Variants in GSTCD observed in about 807,000 individuals in gnomAD.
GSTCD encodes glutathione S-transferase C-terminal domain-containing protein.
A neutral mutation model predicts 68.3 loss-of-function variants in GSTCD; 44 were observed. That is an observed-to-expected ratio of 0.64 (90% CI 0.51 to 0.83). GSTCD has a LOEUF of 0.83. Ranked by LOEUF, GSTCD falls within the 40% of genes least tolerant of loss-of-function variation. GSTCD has a pLI of 0.00. For synonymous variants in GSTCD, 273 were observed against 255.2 expected, an observed-to-expected ratio of 1.07 and a Z score of -0.67; for missense variants, 739 against 735.9, an observed-to-expected ratio of 1.00 and a Z score of -0.05.
intron 5 of GSTCD, among the ~76,000 whole-genome samples, chr4:105,736,906 C>CA (rs1016425201): frequency 4.9e-4 from 74 of 152,224 alleles, no homozygotes; most frequent in African/African-American, 1.8e-3. Context: ...CTGTGAATGA[C>CA]AAGATTTATT....
chr4:105,785,560 TA>T lies in GSTCD; in HGVS notation c.1241-37388del, dbSNP rs1400571916. Among the ~76,000 whole-genome samples the T allele has an allele frequency of 1.2e-4, 18 of 152,232 alleles. 1 individual carries two copies. The Middle Eastern group carries it at 0.017, about 144-fold the overall frequency. On this transcript the variant is annotated intron_variant, in intron 5 of 11. Coordinates refer to ENST00000515279, the MANE Select transcript of GSTCD (RefSeq NM_001370181.1). Reference sequence around the variant, plus strand: ...ACACTCAATTTCCCTAATGCCTACATAAAAAAGGCATTTGATAAAATGCACA... The same window carrying T: ...ACACTCAATTTCCCTAATGCCTACATAAAAAGGCATTTGATAAAATGCACA...
At chr4:105,841,952 C>G (rs1724360512) in intron 10 of GSTCD, 113 bp from the exon 11 acceptor site, 1 of 729,370 alleles carries the variant, frequency 1.4e-6, no homozygotes, top group Non-Finnish European at 2.5e-6. Context: ...GTACTTTATT[C>G]AGTTAAACAA....
Position 105,814,607 on chromosome 4 carries a change from CA to C in GSTCD, c.1241-8339del, listed in dbSNP as rs535496835. The stretch of plus-strand genomic sequence containing the variant: ...AGCCTGGTTGACAGAGACTCTGTCT[CA>C]AAAAAAATAAATAAATAAAAATAAA... On this transcript the variant is annotated intron_variant, in intron 5 of 11. Coordinates refer to ENST00000515279, the MANE Select transcript of GSTCD (RefSeq NM_001370181.1). Among the ~76,000 whole-genome samples, 328 of 150,250 alleles carry C rather than the reference CA, an allele frequency of 2.2e-3. 2 individuals carry two copies. Among genetic ancestry groups the C allele is most frequent in the African/African-American group, 7.5e-3 (309 of 40,942 alleles).
At chr4:105,786,838 A>G (rs983146022) in intron 5 of GSTCD, among the ~76,000 whole-genome samples, 7 of 152,126 alleles carry the variant, frequency 4.6e-5, no homozygotes, top group African/African-American at 1.7e-4. Context: ...TAGCCAGATA[A>G]TAACAAATGT....
At chr4:105,819,622 C>G (rs1360072411) in intron 5 of GSTCD, among the ~76,000 whole-genome samples, 1 of 151,748 alleles carries the variant, frequency 6.6e-6, no homozygotes, top group Non-Finnish European at 1.5e-5. Flanking sequence ...AATGACCATT[C>G]ATCAGCTTGT....
chr4:105,792,237 A>C (rs1735704823), intron 5 of GSTCD, among the ~76,000 whole-genome samples: 1 of 152,098 alleles, frequency 6.6e-6, no homozygotes, highest in African/African-American at 2.4e-5. Flanking sequence ...TGTCTCATCT[A>C]GTAGTCTGTG....
chr4:105,735,722 G>T (rs1251738318), intron 5 of GSTCD, among the ~76,000 whole-genome samples: 1 of 152,008 alleles, frequency 6.6e-6, no homozygotes, highest in Non-Finnish European at 1.5e-5. Context: ...GATGAACCCG[G>T]TACATCAGTT....
intron 5 of GSTCD, among the ~76,000 whole-genome samples, chr4:105,775,156 CT>C (rs1327617407): frequency 8.5e-5 from 13 of 152,092 alleles, no homozygotes; most frequent in Admixed American, 8.5e-4. Context: ...GCTATTGATA[CT>C]TTTTTATGCG....
At chr4:105,822,380 T>G (rs1723344973) in intron 5 of GSTCD, among the ~76,000 whole-genome samples, 1 of 152,082 alleles carries the variant, frequency 6.6e-6, no homozygotes, top group African/African-American at 2.4e-5. Context: ...ATTGATATAT[T>G]TCAGACAATG....
intron 5 of GSTCD, among the ~76,000 whole-genome samples, chr4:105,786,383 G>A (rs1735465725): frequency 6.6e-6 from 1 of 151,890 alleles, no homozygotes. Flanking sequence ...GTGGTGGCTC[G>A]CACTTGTAGT....
intron 11 of GSTCD, among the ~76,000 whole-genome samples, chr4:105,844,072 G>A (rs897691533): frequency 1.3e-5 from 2 of 152,140 alleles, no homozygotes; most frequent in Non-Finnish European, 2.9e-5. Flanking sequence ...GTGAAAACAT[G>A]AAATTCTTCT....
In GSTCD at chr4:105,814,410, C is replaced by T. The variant is rs950295296; in HGVS notation, c.1241-8544C>T. Among the ~76,000 whole-genome samples, 43 of 152,054 alleles carry T rather than the reference C, an allele frequency of 2.8e-4. 1 individual carries two copies. The highest frequency in any genetic ancestry group is 4.4e-5 in the Non-Finnish European group (3 of 68,000). ...GTTGGATCACCTGAGGTCAGGAGTT[C>T]GAGACCAGCCTGGCCAACATGGCAA... On this transcript the variant is annotated intron_variant, in intron 5 of 11. Transcript: ENST00000515279.
At chr4:105,740,249 G>T (rs139400383) in intron 5 of GSTCD, among the ~76,000 whole-genome samples, 2 of 151,792 alleles carry the variant, frequency 1.3e-5, no homozygotes, top group Non-Finnish European at 2.9e-5. Context: ...TAAGTACACC[G>T]ATCAACACTT....
At chr4:105,788,270 TAG>T (rs1163386461) in intron 5 of GSTCD, among the ~76,000 whole-genome samples, 5 of 152,110 alleles carry the variant, frequency 3.3e-5, no homozygotes, top group African/African-American at 1.2e-4. Context: ...ATTAGATTCA[TAG>T]AGTTTTATAA....
chr4:105,836,549 C>T (rs575160657), intron 9 of GSTCD, among the ~76,000 whole-genome samples: 1 of 152,206 alleles, frequency 6.6e-6, no homozygotes, highest in African/African-American at 2.4e-5. Context: ...GGGGTGCCTG[C>T]AGGCCCATGT....
chr4:105,801,445 T>C (rs967914683), intron 5 of GSTCD, among the ~76,000 whole-genome samples: 6 of 152,168 alleles, frequency 3.9e-5, no homozygotes, highest in South Asian at 2.1e-4. Flanking sequence ...GCAAACGTTG[T>C]TAAATGAATT....
intron 5 of GSTCD, among the ~76,000 whole-genome samples, chr4:105,743,229 C>CCAGTA (rs1733693950): frequency 6.6e-6 from 1 of 152,076 alleles, no homozygotes; most frequent in African/African-American, 2.4e-5. Context: ...GGATTACAGG[C>CCAGTA]ATGACCCACC....
chr4:105,745,163 A>G (rs950151084), intron 5 of GSTCD, among the ~76,000 whole-genome samples: 3 of 152,160 alleles, frequency 2.0e-5, no homozygotes, highest in Non-Finnish European at 2.9e-5. Context: ...TCAGTCTCTC[A>G]ATATATGGAT....
intron 1 of GSTCD, among the ~76,000 whole-genome samples, chr4:105,712,980 C>T (rs1732582498): frequency 6.6e-6 from 1 of 151,888 alleles, no homozygotes; most frequent in Non-Finnish European, 1.5e-5. Context: ...TGGAGATCAC[C>T]CAGAACAGTG....
Sources: allele counts gnomAD v4.1 joint callset (sites outside exome capture counted in the v4.1 genomes callset), GRCh38; gene constraint gnomAD v4.1.1; transcripts MANE v1.5; gene names NCBI Gene and HGNC (gene_info 2026-07-23, HGNC 2026-07-21).